Variants in PLXNA4 observed in about 807,000 individuals in gnomAD.
PLXNA4 encodes the protein plexin A4.
PLXNA4 carries 44 observed loss-of-function variants against 191.8 expected under a neutral mutation model. That is an observed-to-expected ratio of 0.23 (90% CI 0.18 to 0.29). PLXNA4 has a LOEUF of 0.29. Among genes scored for constraint, PLXNA4 ranks in the 10% least tolerant of loss-of-function variants. The pLI, the probability that PLXNA4 is intolerant of heterozygous loss-of-function variation, is 1.00. For synonymous variants in PLXNA4, 1,082 were observed against 1,009.5 expected (o/e 1.07, Z -1.36); for missense variants, 1,800 against 2,488.8 (o/e 0.72, Z 5.89).
chr7:132,494,696 G>A (rs1369565944), intron 2 of PLXNA4, among the ~76,000 whole-genome samples: 9 of 152,154 alleles, frequency 5.9e-5, no homozygotes, highest in South Asian at 2.1e-4. Flanking sequence ...GTGCAATTAC[G>A]TGTCGCCACA....
intron 3 of PLXNA4, among the ~76,000 whole-genome samples, chr7:132,327,593 G>T (rs754732146): frequency 6.6e-6 from 1 of 151,998 alleles, no homozygotes; most frequent in Non-Finnish European, 1.5e-5. Context: ...CACCAAGGTC[G>T]GACACCCATG....
chr7:132,341,048 G>C (rs1803007790), intron 3 of PLXNA4, among the ~76,000 whole-genome samples: 1 of 152,152 alleles, frequency 6.6e-6, no homozygotes, highest in South Asian at 2.1e-4. Context: ...AGTCTTGGAG[G>C]AAGCTGTAGA....
At chr7:132,148,215 TG>T (rs1795492330) in intron 26 of PLXNA4, among the ~76,000 whole-genome samples, 1 of 152,186 alleles carries the variant, frequency 6.6e-6, no homozygotes, top group Non-Finnish European at 1.5e-5. Flanking sequence ...GAGTAACTTC[TG>T]GCAAGAGCTC....
intron 3 of PLXNA4, among the ~76,000 whole-genome samples, chr7:132,452,007 C>T (rs1279454605): frequency 6.6e-6 from 1 of 152,250 alleles, no homozygotes; most frequent in Non-Finnish European, 1.5e-5. Context: ...TCCCTGCCCA[C>T]TTCCTTCCCC....
At chr7:132,524,540 A>G (rs910767956) in intron 1 of PLXNA4, among the ~76,000 whole-genome samples, 1 of 152,252 alleles carries the variant, frequency 6.6e-6, no homozygotes. Flanking sequence ...GAAGGAAATT[A>G]GGCTGAAATC....
intron 3 of PLXNA4, among the ~76,000 whole-genome samples, chr7:132,306,024 C>T (rs1426316098): frequency 6.6e-6 from 1 of 152,100 alleles, no homozygotes; most frequent in African/African-American, 2.4e-5. Context: ...AGGCATATGT[C>T]CCAGGGCAAA....
intron 1 of PLXNA4, among the ~76,000 whole-genome samples, chr7:132,530,989 T>A (rs545778528): frequency 6.6e-6 from 1 of 152,218 alleles, no homozygotes; most frequent in Admixed American, 6.5e-5. Context: ...AGGACAAATA[T>A]TGTAAGAATC....
At chr7:132,243,772 A>G (rs1339349665) in intron 4 of PLXNA4, among the ~76,000 whole-genome samples, 7 of 148,136 alleles carry the variant, frequency 4.7e-5, no homozygotes, top group Middle Eastern at 7.5e-3. Flanking sequence ...GATCGCTGCT[A>G]TCCTTTTCAT....
rs374389563 is a variant in PLXNA4, at chr7:132,225,625, C to CG, written c.1982+535_1982+536insC. Reference sequence around the variant, plus strand: ...CCCTAAGCCAGAGTCCGCCCCCCCCCACAGCTTTCTGCCTCCCTCTGGCCC... The same window carrying CG: ...CCCTAAGCCAGAGTCCGCCCCCCCCCGACAGCTTTCTGCCTCCCTCTGGCCC... On this transcript the variant is annotated intron_variant, in intron 8 of 31. Transcript: ENST00000321063. 2.9e-3 allele frequency among the ~76,000 whole-genome samples: 421 copies of CG among 145,288 alleles called. 1 individual carries two copies. Among genetic ancestry groups the CG allele is most frequent in the African/African-American group, 0.01 (416 of 41,112 alleles).
rs569554414 is a variant in PLXNA4 at position 132,610,858 on chromosome 7, C to A, written c.-87+35070G>T. ...TTCCACCTTGAGTGCCATGATACTGCCTCTTGGAGGAGCAGAGGTTTGCCA... is the reference window on the plus strand; with the variant it reads ...TTCCACCTTGAGTGCCATGATACTGACTCTTGGAGGAGCAGAGGTTTGCCA... On this transcript the variant is annotated intron_variant, in intron 2 of 4. Transcript: ENST00000378539. Among the ~76,000 whole-genome samples the A allele has an allele frequency of 6.2e-4, 94 of 152,334 alleles. 1 individual carries two copies. The Middle Eastern group carries it at 0.017, about 28-fold the overall frequency.
intron 3 of PLXNA4, among the ~76,000 whole-genome samples, chr7:132,363,237 G>T (rs192680536): frequency 1.3e-5 from 2 of 152,066 alleles, no homozygotes; most frequent in Non-Finnish European, 2.9e-5. Context: ...CACCCATCTC[G>T]GCCTCCCAAA....
intron 16 of PLXNA4, 140 bp from the exon 17 acceptor site, chr7:132,182,330 A>G: frequency 7.2e-7 from 1 of 1,381,090 alleles, no homozygotes; most frequent in Non-Finnish European, 9.7e-7. Context: ...AAGGATGACA[A>G]GCTGACTGCA....
At chr7:132,486,615 C>G (rs964904795) in intron 3 of PLXNA4, among the ~76,000 whole-genome samples, 1 of 152,216 alleles carries the variant, frequency 6.6e-6, no homozygotes, top group Non-Finnish European at 1.5e-5. Flanking sequence ...AAGGCTCATT[C>G]CCCCCAACTG....
At position 132,351,350 on chromosome 7, in the gene PLXNA4, C is replaced by A. The variant is rs569136398; in HGVS notation, c.1372-53128G>T. Among the ~76,000 whole-genome samples, 4 of 152,264 alleles carry A rather than the reference C, an allele frequency of 2.6e-5. No homozygotes were observed. In the East Asian group the frequency reaches 5.8e-4, roughly 22 times the overall value. ...CTGTTTTTTAAGAGTACTTTAAATTCAAAAACTCTGCTTTTTAAATGTTTG... is the reference window on the plus strand; with the variant it reads ...CTGTTTTTTAAGAGTACTTTAAATTAAAAAACTCTGCTTTTTAAATGTTTG... On this transcript the variant is annotated intron_variant, in intron 3 of 31. Transcript: ENST00000321063.
intron 25 of PLXNA4, among the ~76,000 whole-genome samples, chr7:132,150,410 C>A (rs1795562008): frequency 6.6e-6 from 1 of 152,132 alleles, no homozygotes. Context: ...CTGGTGGACA[C>A]CAGTCTGGGT....
intron 9 of PLXNA4, among the ~76,000 whole-genome samples, chr7:132,222,986 C>G (rs962164148): frequency 2.0e-5 from 3 of 152,192 alleles, no homozygotes; most frequent in African/African-American, 7.2e-5. Flanking sequence ...GAACAGAAGA[C>G]TTCGTGTTTC....
intron 3 of PLXNA4, chr7:132,383,692 T>C (rs1804993568): frequency 3.3e-5 from 32 of 982,736 alleles, no homozygotes; most frequent in Non-Finnish European, 3.9e-5. Context: ...AATTCCAATT[T>C]TTGATAGACT....
chr7:132,489,412 G>T lies in PLXNA4; in HGVS notation c.1251C>A (p.Asp417Glu), dbSNP rs748042504. 1 of 1,604,392 alleles carries T rather than the reference G, an allele frequency of 6.2e-7. No homozygotes were observed. Among genetic ancestry groups the T allele is most frequent in the Non-Finnish European group, 8.5e-7 (1 of 1,171,768 alleles). Residue 417 changes from aspartate to glutamate, a missense_variant, in exon 3 of 32, where the codon GAC (aspartate) becomes GAA (glutamate). This residue lies in a region of PLXNA4 where 1,397 missense variants were observed against 1,880.4 expected (regional missense o/e 0.74). Coordinates refer to ENST00000321063, the MANE Select transcript of PLXNA4 (RefSeq NM_020911.2). ...LDMNAPLGVS[D>E]MVRGIPVFTE... is the part of the protein sequence containing the mutation. ...TGAAGACGGGAATTCCACGCACCAT[G>T]TCGGACACTCCCAGGGGAGCATTCA... is the stretch of plus-strand genomic sequence containing the variant.
At chr7:132,310,848 G>C (rs1405198278) in intron 3 of PLXNA4, among the ~76,000 whole-genome samples, 3 of 152,198 alleles carry the variant, frequency 2.0e-5, no homozygotes, top group South Asian at 2.1e-4. Flanking sequence ...GGACAGCTGT[G>C]TGTGTGTGAG....
Sources: allele counts gnomAD v4.1 joint callset (sites outside exome capture counted in the v4.1 genomes callset), GRCh38; gene constraint gnomAD v4.1.1; regional missense constraint gnomAD v4.1.1; transcripts MANE v1.5; gene names NCBI Gene and HGNC (gene_info 2026-07-23, HGNC 2026-07-21).